The following L3MBTL2 variants were observed in gnomAD, a reference collection of about 807,000 sequenced individuals.
L3MBTL2 encodes the protein L3MBTL histone methyl-lysine binding protein 2, also known as lethal(3)malignant brain tumor-like protein 2.
A neutral mutation model predicts 86.4 loss-of-function variants in L3MBTL2; 49 were observed. That is an observed-to-expected ratio of 0.57 (90% CI 0.45 to 0.72). L3MBTL2 has a LOEUF of 0.72. L3MBTL2 is among the 30% of genes least tolerant of loss of function. The pLI, the probability that L3MBTL2 is intolerant of heterozygous loss-of-function variation, is 0.00. For missense variants in L3MBTL2, 755 were observed against 923.7 expected, an observed-to-expected ratio of 0.82 and a Z score of 2.37; for synonymous variants, 336 against 350.6, an observed-to-expected ratio of 0.96 and a Z score of 0.47.
rs2031738005 is a variant in L3MBTL2, at chr22:41,220,645, A to T, written c.719-89A>T. On this transcript the variant is annotated intron_variant, in intron 6 of 16. Coordinates refer to ENST00000216237, the MANE Select transcript of L3MBTL2 (RefSeq NM_031488.5). ...TGCACTCCAGCCTGGGCGACAGAGC[A>T]AGACTTCGTCTCAGAAAAAAAAAAA... The T allele has an allele frequency of 2.1e-6, 3 of 1,417,714 alleles. No homozygotes were observed. The African/African-American group carries it at 4.3e-5, about 20-fold the overall frequency. 87.8% of individuals were successfully genotyped at this position (1,417,714 alleles called of 1,614,324 possible). A position where few individuals can be genotyped will look rare whatever the true frequency, so the allele number is the denominator to read the frequency against.
intron 13 of L3MBTL2, 51 bp downstream of exon 13, chr22:41,226,795 C>A: frequency 7.7e-7 from 1 of 1,303,190 alleles, no homozygotes; most frequent in Non-Finnish European, 1.1e-6. Context: ...CAGGACAGGC[C>A]CTGCCTGCTG....
In L3MBTL2 at chr22:41,205,335, T is replaced by C. The variant is rs945611432; in HGVS notation, c.-28T>C. The C allele has an allele frequency of 6.2e-7, 1 of 1,614,072 alleles. No homozygotes were observed. The highest frequency in any genetic ancestry group is 1.1e-5 in the South Asian group (1 of 91,080). ...GCAGGCCAATATGGCTTCCTGCACC[T>C]GGTGACGCTTGGCGAAACTGAGGTC... On this transcript the variant is annotated 5_prime_UTR_variant, in exon 1 of 17. Transcript: ENST00000216237.
chr22:41,224,148 C>T lies in L3MBTL2; in HGVS notation c.1071C>T (p.Tyr357=), dbSNP rs144102114. ...TCGGGGGTCGCCTACGGCTCCTCTA[C>T]GAGGATGGTGACAGTGACGACGACT... ...TVIGGRLRLL[Y]EDGDSDDDFW... The change falls in exon 9 of 17, where the codon TAC becomes TAT. Residue 357 remains tyrosine (Y), a synonymous_variant. Coordinates refer to ENST00000216237, the MANE Select transcript of L3MBTL2 (RefSeq NM_031488.5). The surrounding 1 kb of genome is among the most constrained non-coding windows in gnomAD (Gnocchi z 4.9). 25 of 1,613,780 alleles carry T rather than the reference C, an allele frequency of 1.5e-5. No individual in the cohort carries two copies. The highest frequency in any genetic ancestry group is 1.5e-4 in the African/African-American group (11 of 74,834).
intron 4 of L3MBTL2, 60 bp downstream of exon 4, chr22:41,216,322 G>A: frequency 1.3e-6 from 2 of 1,580,022 alleles, no homozygotes; most frequent in Non-Finnish European, 8.6e-7. Flanking sequence ...GACTGGGTTT[G>A]GGGTGGCCTT....
At chr22:41,223,888 C>T (rs1455020174) in intron 8 of L3MBTL2, 132 bp from the exon 9 acceptor site, 1 of 705,904 alleles carries the variant, frequency 1.4e-6, no homozygotes, top group Non-Finnish European at 2.4e-6. Flanking sequence ...CAGGCAGTCT[C>T]ATCTGCCACC....
rs540951557 is a variant in L3MBTL2 at position 41,228,972 on chromosome 22, C to T, written c.1889-568C>T. Among the ~76,000 whole-genome samples, 18 of 152,082 alleles carry T rather than the reference C, an allele frequency of 1.2e-4. No individual in the cohort carries two copies. The East Asian group carries it at 2.9e-3, about 25-fold the overall frequency. ...GTGGGAAGAAATCAACAATCAAAAA[C>T]GGGGGCTGAGTGTGATGGTTCACAC... On this transcript the variant is annotated intron_variant, in intron 15 of 16. Coordinates refer to ENST00000216237, the MANE Select transcript of L3MBTL2 (RefSeq NM_031488.5).
intron 5 of L3MBTL2, 117 bp from the exon 6 acceptor site, chr22:41,219,298 CACAG>C (rs1288518644): frequency 1.4e-6 from 1 of 730,016 alleles, no homozygotes; most frequent in African/African-American, 1.7e-5. Context: ...TGGTTCTGCA[CACAG>C]TGGGTGATGT....
rs2032097585 is a variant in L3MBTL2 at position 41,225,216 on chromosome 22, T to C, written c.1356+145T>C. The C allele has an allele frequency of 1.5e-6, 1 of 650,558 alleles. No individual in the cohort carries two copies. Among genetic ancestry groups the C allele is most frequent in the African/African-American group, 1.8e-5 (1 of 54,818 alleles). 40.3% of individuals were successfully genotyped at this position (650,558 alleles called of 1,614,324 possible). A position where few individuals can be genotyped will look rare whatever the true frequency, so the allele number is the denominator to read the frequency against. On this transcript the variant is annotated intron_variant, in intron 11 of 16. Transcript: ENST00000216237. This position sits in a 1 kb window ranked among gnomAD's most constrained non-coding sequence, Gnocchi z 4.1. Reference sequence around the variant, plus strand: ...CTGCACCCAGAGTCCCTGACTTTTGTGAGTGGGGCCTGGCCTGCCCCTTGC... The same window carrying C: ...CTGCACCCAGAGTCCCTGACTTTTGCGAGTGGGGCCTGGCCTGCCCCTTGC...
rs778523048 is a variant in L3MBTL2 at position 41,220,751 on chromosome 22, C to T, written c.736C>T (p.Arg246Trp). 3.1e-6 allele frequency: 5 copies of T among 1,612,886 alleles called. No individual in the cohort carries two copies. The highest frequency in any genetic ancestry group is 1.7e-5 in the Admixed American group (1 of 59,952). The change falls in exon 7 of 17, where the codon CGG becomes TGG. Residue 246 changes from arginine (R) to tryptophan (W), a missense_variant. Physicochemically the swap from Arg to Trp is moderately radical, Grantham distance 101 (BLOSUM62 -3). Around this residue, in one of 3 missense-constraint regions of L3MBTL2, gnomAD observed 634 missense variants for 748.9 expected, o/e 0.85. Transcript: ENST00000216237. ...CCTTTCAGGGTATCGGGTGCTGCTT[C>T]GGTATGAAGGCTTTGAAAATGACGC... ...IQTAGYRVLL[R>W]YEGFENDASH...
In L3MBTL2 at chr22:41,216,187, T is replaced by G. The variant is rs769058510; in HGVS notation, c.445T>G (p.Ser149Ala). The change falls in exon 4 of 17, where the codon TCT becomes GCT. Residue 149 changes from serine (S) to alanine (A), a missense_variant. Around this residue, in one of 3 missense-constraint regions of L3MBTL2, gnomAD observed 634 missense variants for 748.9 expected, o/e 0.85. Coordinates refer to ENST00000216237, the MANE Select transcript of L3MBTL2 (RefSeq NM_031488.5). Reference sequence around the variant, plus strand: ...CAAAGTCCTGCACAAGGCTGCCTGGTCTGCCAAAATTGGAGCCTTCCTCCA... The same window carrying G: ...CAAAGTCCTGCACAAGGCTGCCTGGGCTGCCAAAATTGGAGCCTTCCTCCA... ...KAKVLHKAAW[S>A]AKIGAFLHSQ... The G allele has an allele frequency of 1.2e-6, 2 of 1,614,098 alleles. No homozygotes were observed. The highest frequency in any genetic ancestry group is 1.7e-6 in the Non-Finnish European group (2 of 1,180,024).
At position 41,229,594 on chromosome 22, in the gene L3MBTL2, C is replaced by G. The variant is rs371211871; in HGVS notation, c.1943C>G (p.Pro648Arg). Residue 648 changes from proline to arginine, a missense_variant, in exon 16 of 17, where the codon CCC (proline) becomes CGC (arginine). By Grantham distance (103) the Pro-to-Arg change is moderately radical. This residue lies in a region of L3MBTL2 where 634 missense variants were observed against 748.9 expected (regional missense o/e 0.85). Transcript: ENST00000216237. ...CCCCTCAGACAGGGGTCCAAGAAGC[C>G]CCTGCTGGAGGACGACCCTCAGGGT... Reference protein sequence around the residue: ...TRPLRQGSKKPLLEDDPQGAR... With the variant: ...TRPLRQGSKKRLLEDDPQGAR... The G allele has an allele frequency of 6.2e-7, 1 of 1,613,746 alleles. No homozygotes were observed. Among genetic ancestry groups the G allele is most frequent in the Admixed American group, 1.7e-5 (1 of 60,026 alleles).
chr22:41,209,533 G>A (rs1018896510), intron 1 of L3MBTL2, 163 bp from the exon 2 acceptor site: 10 of 645,884 alleles, frequency 1.5e-5, no homozygotes, highest in Non-Finnish European at 2.2e-5. Context: ...GCATCATGGT[G>A]GAGAAATGTG....
intron 1 of L3MBTL2, chr22:41,206,189 G>C (rs1048153414): frequency 6.6e-6 from 1 of 152,126 alleles, no homozygotes; most frequent in African/African-American, 2.4e-5. Flanking sequence ...TGCCATGTTG[G>C]TCGGATTGGT....
intron 15 of L3MBTL2, chr22:41,228,414 C>T (rs2145618385): frequency 1.0e-6 from 1 of 985,442 alleles, no homozygotes; most frequent in Non-Finnish European, 1.2e-6. Flanking sequence ...AGCTTGGGTT[C>T]CACTTGAGGG....
In L3MBTL2 at chr22:41,225,022, C is replaced by G; in HGVS notation, c.1307C>G (p.Ala436Gly). ...GWFEEGMKLE[A>G]IDPLNLGNIC... ...TTTGAGGAAGGGATGAAGCTGGAGG[C>G]CATTGACCCCCTGAATCTGGGCAAC... The change falls in exon 11 of 17, where the codon GCC (alanine) becomes GGC (glycine). Residue 436 changes from alanine to glycine, a missense_variant. Physicochemically the swap from Ala to Gly is moderately conservative, Grantham distance 60 (BLOSUM62 0). Coordinates refer to ENST00000216237, the MANE Select transcript of L3MBTL2 (RefSeq NM_031488.5). This position sits in a 1 kb window ranked among gnomAD's most constrained non-coding sequence, Gnocchi z 4.1. The G allele has an allele frequency of 3.1e-6, 5 of 1,614,066 alleles. No homozygotes were observed. Among genetic ancestry groups the G allele is most frequent in the Non-Finnish European group, 4.2e-6 (5 of 1,179,972 alleles).
At chr22:41,229,514 G>T (rs925818669) in intron 15 of L3MBTL2, 26 bp from the exon 16 acceptor site, 1 of 1,600,642 alleles carries the variant, frequency 6.2e-7, no homozygotes, top group Admixed American at 1.7e-5. Context: ...CCCTAATGCT[G>T]GGTTTGAATC....
chr22:41,224,895 T>A lies in L3MBTL2; in HGVS notation c.1252-72T>A, dbSNP rs2032075658. 2 of 1,556,864 alleles carry A rather than the reference T, an allele frequency of 1.3e-6. No individual in the cohort carries two copies. The highest frequency in any genetic ancestry group is 3.4e-5 in the Admixed American group (2 of 59,512). On this transcript the variant is annotated intron_variant, in intron 10 of 16. Transcript: ENST00000216237. The surrounding 1 kb of genome is among the most constrained non-coding windows in gnomAD (Gnocchi z 4.9). ...CTTCCCCTGGGACCATCCCTTTCCC[T>A]CCTGAGGCCTGCTTCCCTCACCCTT...
Position 41,224,591 on chromosome 22 carries a change from G to A in L3MBTL2, c.1175-134G>A, listed in dbSNP as rs980895443. ...TCTGTCTGCTACTCTGGGGTGGGGG[G>A]TCCTGAGATACAGAGATACAGCTGA... On this transcript the variant is annotated intron_variant, in intron 9 of 16. Transcript: ENST00000216237. This position sits in a 1 kb window ranked among gnomAD's most constrained non-coding sequence, Gnocchi z 4.9. The A allele has an allele frequency of 1.2e-5, 8 of 674,476 alleles. No homozygotes were observed. In the East Asian group the frequency reaches 1.6e-4, roughly 14 times the overall value. 41.8% of individuals were successfully genotyped at this position (674,476 alleles called of 1,614,324 possible). A position where few individuals can be genotyped will look rare whatever the true frequency, so the allele number is the denominator to read the frequency against.
intron 8 of L3MBTL2, among the ~76,000 whole-genome samples, chr22:41,223,142 G>C (rs1047971376): frequency 6.6e-6 from 1 of 152,204 alleles, no homozygotes; most frequent in African/African-American, 2.4e-5. Flanking sequence ...AGCTGGGCCA[G>C]AGGGTCTGTC....
Sources: gnomAD v4.1 joint callset for allele counts (sites outside exome capture counted in the v4.1 genomes callset) on GRCh38, gnomAD v4.1.1 for gene constraint, gnomAD v4.1.1 regional missense constraint, Gnocchi (gnomAD v3.1) non-coding constraint, MANE v1.5 for transcripts, NCBI Gene and HGNC (gene_info 2026-07-23, HGNC 2026-07-21) for gene names.